DOK6: variants seen among roughly 807,000 people sequenced by gnomAD.
DOK6 encodes docking protein 6.
Under a neutral mutation model 44.0 loss-of-function variants are expected in DOK6, and 22 were observed. That is an observed-to-expected ratio of 0.50 (90% CI 0.36 to 0.71). The LOEUF is 0.71. DOK6 is among the 30% of genes least tolerant of loss of function. The probability of loss-of-function intolerance (pLI) is 0.00; values close to 1 mark genes in which losing one functional copy is unlikely to be tolerated. For synonymous variants in DOK6, 166 were observed against 145.5 expected (o/e 1.14, Z -1.01); for missense variants, 340 against 416.4 (o/e 0.82, Z 1.60).
At chr18:69,765,802 A>G (rs1169226144) in intron 7 of DOK6, among the ~76,000 whole-genome samples, 1 of 152,104 alleles carries the variant, frequency 6.6e-6, no homozygotes, top group Non-Finnish European at 1.5e-5. Context: ...AACCTTTCTA[A>G]GCTTATTGCT....
intron 1 of DOK6, among the ~76,000 whole-genome samples, chr18:69,445,365 C>T (rs779295445): frequency 2.0e-5 from 3 of 152,138 alleles, no homozygotes; most frequent in African/African-American, 4.8e-5. Flanking sequence ...TTTTCTTGTT[C>T]CTAGTCTTAG....
At chr18:69,460,146 G>A (rs1380533491) in intron 1 of DOK6, among the ~76,000 whole-genome samples, 2 of 152,296 alleles carry the variant, frequency 1.3e-5, no homozygotes, top group Middle Eastern at 3.4e-3. Flanking sequence ...ATATAAGGGA[G>A]AGGAGAAAAT....
chr18:69,464,752 T>C (rs974253137), intron 1 of DOK6, among the ~76,000 whole-genome samples: 3 of 152,230 alleles, frequency 2.0e-5, no homozygotes, highest in African/African-American at 7.2e-5. Flanking sequence ...AACTACAGAA[T>C]GTATTTAAAG....
chr18:69,567,935 CT>C (rs1460446140), intron 2 of DOK6, among the ~76,000 whole-genome samples: 2 of 152,228 alleles, frequency 1.3e-5, no homozygotes, highest in Non-Finnish European at 2.9e-5. Context: ...GCTGCTGTGG[CT>C]CCTGCCGCTC....
intron 7 of DOK6, among the ~76,000 whole-genome samples, chr18:69,805,080 G>A (rs960465628): frequency 6.6e-6 from 1 of 152,136 alleles, no homozygotes; most frequent in South Asian, 2.1e-4. Context: ...TAAAACGGAG[G>A]CTTACAAAGG....
chr18:69,463,517 A>G (rs545477767), intron 1 of DOK6, among the ~76,000 whole-genome samples: 22 of 152,330 alleles, frequency 1.4e-4, no homozygotes, highest in African/African-American at 5.1e-4. Context: ...TATGCAAAAC[A>G]CTAGTTTTGC....
Position 69,403,005 on chromosome 18 carries a change from G to C in DOK6, c.66+1695G>C, listed in dbSNP as rs537174111. Among the ~76,000 whole-genome samples the C allele has an allele frequency of 6.8e-4, 104 of 152,304 alleles. 2 individuals carry two copies. The South Asian group carries it at 0.021, about 31-fold the overall frequency. On this transcript the variant is annotated intron_variant, in intron 1 of 7. Coordinates refer to ENST00000382713, the MANE Select transcript of DOK6 (RefSeq NM_152721.6). ...GCAGAGCTGGAGGTGGAAGGGAGTC[G>C]TCTTCTTAGCTTGACCTTTGAAGCC... is the stretch of plus-strand genomic sequence containing the variant.
chr18:69,529,718 A>G (rs894429806), intron 1 of DOK6, among the ~76,000 whole-genome samples: 1 of 152,214 alleles, frequency 6.6e-6, no homozygotes, highest in Admixed American at 6.5e-5. Context: ...CAACACAGCC[A>G]TCCTTTAAAG....
chr18:69,739,304 G>A (rs546983258), intron 6 of DOK6: 85 of 604,850 alleles, frequency 1.4e-4, no homozygotes, highest in African/African-American at 1.3e-3. Context: ...CACCAACTGT[G>A]AGCCCTGCAC....
chr18:69,555,736 C>T (rs1982671406), intron 1 of DOK6, among the ~76,000 whole-genome samples: 1 of 152,186 alleles, frequency 6.6e-6, no homozygotes, highest in Admixed American at 6.5e-5. Context: ...ATCAGTTTCT[C>T]TCATGTTCCG....
chr18:69,795,099 T>G (rs1599329416), intron 7 of DOK6, among the ~76,000 whole-genome samples: 2 of 152,220 alleles, frequency 1.3e-5, no homozygotes, highest in Middle Eastern at 6.8e-3. Flanking sequence ...ATGGAAAAAT[T>G]GTCTTCCATG....
intron 7 of DOK6, among the ~76,000 whole-genome samples, chr18:69,758,911 T>C (rs897453977): frequency 2.6e-4 from 40 of 152,122 alleles, no homozygotes; most frequent in African/African-American, 9.7e-4. Context: ...GTGTTTTTTA[T>C]AGCAATATTT....
At chr18:69,792,080 A>G (rs1260892927) in intron 7 of DOK6, among the ~76,000 whole-genome samples, 1 of 152,042 alleles carries the variant, frequency 6.6e-6, no homozygotes, top group Non-Finnish European at 1.5e-5. Flanking sequence ...GAATTTATTT[A>G]TGGGTCCCCT....
At chr18:69,452,569 G>C (rs1337584212) in intron 1 of DOK6, among the ~76,000 whole-genome samples, 1 of 140,140 alleles carries the variant, frequency 7.1e-6, no homozygotes, top group Admixed American at 7.4e-5. Context: ...TATGAGGCCA[G>C]CATCATTCTG....
chr18:69,498,505 T>C (rs1980958096), intron 1 of DOK6, among the ~76,000 whole-genome samples: 1 of 152,336 alleles, frequency 6.6e-6, no homozygotes, highest in South Asian at 2.1e-4. Flanking sequence ...ACTATAATTC[T>C]TTATTTTGGA....
chr18:69,552,094 C>G (rs1350500166), intron 1 of DOK6, among the ~76,000 whole-genome samples: 1 of 152,200 alleles, frequency 6.6e-6, no homozygotes. Flanking sequence ...AAATCACTTT[C>G]CTGGAACATA....
At chr18:69,657,752 C>T (rs1046360116) in intron 3 of DOK6, among the ~76,000 whole-genome samples, 3 of 152,140 alleles carry the variant, frequency 2.0e-5, no homozygotes, top group East Asian at 1.9e-4. Flanking sequence ...ATAGTAAATT[C>T]GTGAACTTGA....
intron 3 of DOK6, among the ~76,000 whole-genome samples, chr18:69,599,787 A>C (rs999688150): frequency 6.6e-6 from 1 of 152,176 alleles, no homozygotes; most frequent in Non-Finnish European, 1.5e-5. Context: ...GGGTGAGTGC[A>C]TGACCAATAT....
intron 7 of DOK6, among the ~76,000 whole-genome samples, chr18:69,771,695 G>A (rs1036677992): frequency 6.6e-6 from 1 of 151,840 alleles, no homozygotes; most frequent in African/African-American, 2.4e-5. Flanking sequence ...GCTAACTACA[G>A]CAGATTTATT....
Sources: allele counts gnomAD v4.1 joint callset (sites outside exome capture counted in the v4.1 genomes callset), GRCh38; gene constraint gnomAD v4.1.1; transcripts MANE v1.5; gene names NCBI Gene and HGNC (gene_info 2026-07-23, HGNC 2026-07-21).